The following SMC1A variants were observed in gnomAD, a reference collection of about 807,000 sequenced individuals.
SMC1A encodes structural maintenance of chromosomes 1A, also known as structural maintenance of chromosomes protein 1A.
Under a neutral mutation model 94.5 loss-of-function variants are expected in SMC1A, and 4 were observed. The observed-to-expected ratio is 0.04, with a 90% CI of 0.02 to 0.10. The LOEUF (loss-of-function observed/expected upper bound fraction) is 0.10. Ranked by LOEUF, SMC1A falls within the 10% of genes least tolerant of loss-of-function variation. SMC1A has a pLI of 1.00. For synonymous variants in SMC1A, 345 were observed against 347.7 expected (o/e 0.99, Z 0.09); for missense variants, 304 against 989.0 (o/e 0.31, Z 9.29).
intron 19 of SMC1A, among the ~76,000 whole-genome samples, chrX:53,393,984 C>T (rs2075639685): frequency 9.2e-6 from 1 of 108,547 alleles, no homozygotes; most frequent in African/African-American, 3.4e-5. Flanking sequence ...TGGTAGAACC[C>T]CGCCTCTACT....
intron 3 of SMC1A, 113 bp from the exon 4 acceptor site, chrX:53,413,548 GC>G: frequency 1.5e-6 from 1 of 676,741 alleles, no homozygotes. Flanking sequence ...CCATGCCCCT[GC>G]TGCCACATTT....
chrX:53,412,867 C>T (rs1556890743), intron 5 of SMC1A, 33 bp downstream of exon 5: 2 of 1,211,207 alleles, frequency 1.7e-6, no homozygotes, highest in Admixed American at 2.2e-5. Flanking sequence ...CTCTTGGTTT[C>T]CCACAAGTTG....
At position 53,399,642 on chromosome X, in the gene SMC1A, T is replaced by C; in HGVS notation, c.2509A>G (p.Met837Val). 1 of 1,207,831 alleles carries C rather than the reference T, an allele frequency of 8.3e-7. No individual in the cohort carries two copies. The highest frequency in any genetic ancestry group is 1.1e-6 in the Non-Finnish European group (1 of 891,853). The change falls in exon 16 of 25, where the codon ATG becomes GTG. Residue 837 changes from methionine (M) to valine (V), a missense_variant. Met to Val is a conservative substitution (Grantham distance 21). Transcript: ENST00000322213. The part of the protein sequence containing the change: ...QLKEDQDKVH[M>V]WEQTVKKDEN... ...TCTTTTTTCACTGTCTGCTCCCACA[T>C]GTGTACTTTATCTTGGTCCTCCTTC...
intron 15 of SMC1A, 86 bp from the exon 16 acceptor site, chrX:53,399,816 G>A: frequency 1.0e-6 from 1 of 980,965 alleles, no homozygotes; most frequent in Non-Finnish European, 1.4e-6. Context: ...GGGAAGAAAG[G>A]GAAACTAGAC....
intron 1 of SMC1A, chrX:53,421,909 T>TG (rs782644278): frequency 5.2e-6 from 5 of 957,836 alleles, no homozygotes; most frequent in Non-Finnish European, 5.6e-6. Flanking sequence ...GACATAGCGG[T>TG]GGGGGGTGGG....
intron 19 of SMC1A, 26 bp downstream of exon 19, chrX:53,394,752 A>AACC: frequency 9.7e-6 from 2 of 206,425 alleles, no homozygotes; most frequent in East Asian, 1.1e-4. Flanking sequence ...CCCCACCCCC[A>AACC]CCACACCCCT....
rs782258629 is a variant in SMC1A at position 53,392,836 on chromosome X, C to T, written c.2973+1942G>A. Among the ~76,000 whole-genome samples the T allele has an allele frequency of 1.5e-4, 17 of 111,774 alleles. No individual in the cohort carries two copies. The South Asian group carries it at 6.0e-3, about 39-fold the overall frequency. Reference sequence around the variant, plus strand: ...GATTACAGGCATGAGCCACTGTGCCCGGCCCTAAATATCTATTGAATTCTG... The same window carrying T: ...GATTACAGGCATGAGCCACTGTGCCTGGCCCTAAATATCTATTGAATTCTG... On this transcript the variant is annotated intron_variant, in intron 19 of 24. Coordinates refer to ENST00000322213, the MANE Select transcript of SMC1A (RefSeq NM_006306.4).
chrX:53,390,497 AAAG>A (rs1268637935), intron 19 of SMC1A, among the ~76,000 whole-genome samples: 6 of 109,785 alleles, frequency 5.5e-5, no homozygotes, highest in African/African-American at 2.0e-4. Flanking sequence ...CAAAAAAAAA[AAAG>A]AACTGTGTGG....
intron 22 of SMC1A, among the ~76,000 whole-genome samples, chrX:53,381,331 G>A (rs782538499): frequency 1.8e-5 from 2 of 112,071 alleles, no homozygotes; most frequent in South Asian, 7.5e-4. Flanking sequence ...GTCCCCTCAG[G>A]AGCTTCCAGG....
intron 7 of SMC1A, among the ~76,000 whole-genome samples, chrX:53,410,674 C>T (rs1556890363): frequency 1.9e-5 from 2 of 107,691 alleles, no homozygotes; most frequent in African/African-American, 6.8e-5. Context: ...GTGGCTGGTG[C>T]CTGTAATCTC....
At chrX:53,407,550 C>G (rs1324212693) in intron 9 of SMC1A, among the ~76,000 whole-genome samples, 1 of 111,621 alleles carries the variant, frequency 9.0e-6, no homozygotes, top group Non-Finnish European at 1.9e-5. Context: ...TTAATCGAAC[C>G]CAGGGAGGGA....
Position 53,409,408 on chromosome X carries a change from C to G in SMC1A, c.1337+13G>C. 1 of 1,192,675 alleles carries G rather than the reference C, an allele frequency of 8.4e-7. No homozygotes were observed. The highest frequency in any genetic ancestry group is 1.1e-6 in the Non-Finnish European group (1 of 878,170). On this transcript the variant is annotated intron_variant, in intron 8 of 24. Coordinates refer to ENST00000322213, the MANE Select transcript of SMC1A (RefSeq NM_006306.4). ...GGCCTGGAAGTAAGGGGGACAGATG[C>G]AGAGCTACATACTTGCTAGTGGTGA...
intron 9 of SMC1A, among the ~76,000 whole-genome samples, chrX:53,408,840 T>TAAAAAA (rs1295569888): frequency 7.9e-3 from 526 of 66,650 alleles, no homozygotes; most frequent in Non-Finnish European, 9.9e-3. Flanking sequence ...GGTTGAAAAA[T>TAAAAAA]AAAAAAAAAA....
At position 53,374,495 on chromosome X, in the gene SMC1A, T is replaced by C. The variant is rs2075552791; in HGVS notation, c.*5608A>G. The C allele has an allele frequency of 8.9e-6, 1 of 112,064 alleles. No homozygotes were observed. The highest frequency in any genetic ancestry group is 9.5e-5 in the Admixed American group (1 of 10,516). The allele number at this position is 112,064 out of a possible 1,213,427, so 9.2% of individuals were successfully genotyped here. Reference sequence around the variant, plus strand: ...CTTCAGTTCCTATTAATCCATGGCTTTTCTGCATTGTAGCTCCTGCTGCCT... The same window carrying C: ...CTTCAGTTCCTATTAATCCATGGCTCTTCTGCATTGTAGCTCCTGCTGCCT... On this transcript the variant is annotated 3_prime_UTR_variant, in exon 25 of 25. Transcript: ENST00000322213.
At chrX:53,388,866 G>A (rs782438438) in intron 19 of SMC1A, among the ~76,000 whole-genome samples, 6 of 107,154 alleles carry the variant, frequency 5.6e-5, no homozygotes, top group East Asian at 5.8e-4. Flanking sequence ...GCGTGGTGGC[G>A]GGCGCCTGTA....
chrX:53,404,010 G>A, intron 13 of SMC1A, 117 bp from the exon 14 acceptor site: 5 of 566,451 alleles, frequency 8.8e-6, no homozygotes, highest in Non-Finnish European at 1.6e-5. Flanking sequence ...AGAGAACCTG[G>A]CTTAGCACTA....
chrX:53,406,000 A>T (rs782166421), intron 9 of SMC1A, 44 bp from the exon 10 acceptor site: 20 of 1,136,850 alleles, frequency 1.8e-5, no homozygotes, highest in Non-Finnish European at 2.4e-5. Flanking sequence ...AAGCTTTTGG[A>T]AGCTGGCTCA....
At chrX:53,402,902 T>A (rs1399455614) in intron 15 of SMC1A, among the ~76,000 whole-genome samples, 3 of 56,536 alleles carry the variant, frequency 5.3e-5, no homozygotes, top group Non-Finnish European at 9.1e-5. Flanking sequence ...GCAATATGGC[T>A]CACACCTATA....
intron 19 of SMC1A, among the ~76,000 whole-genome samples, chrX:53,391,010 A>G (rs1479089384): frequency 6.8e-5 from 7 of 102,762 alleles, no homozygotes; most frequent in Non-Finnish European, 1.4e-4. Flanking sequence ...AAAAGAAAAA[A>G]AAAAAAAAAG....
Sources: allele counts gnomAD v4.1 joint callset (sites outside exome capture counted in the v4.1 genomes callset), GRCh38; gene constraint gnomAD v4.1.1; transcripts MANE v1.5; gene names NCBI Gene and HGNC (gene_info 2026-07-23, HGNC 2026-07-21).